MCC: variants seen among roughly 807,000 people sequenced by gnomAD.
MCC encodes MCC regulator of Wnt signaling pathway.
A neutral mutation model predicts 116.2 loss-of-function variants in MCC; 90 were observed. The ratio of observed to expected loss-of-function variants is 0.77; its 90% CI spans 0.65 to 0.92. MCC has a LOEUF of 0.92. Ranked by LOEUF, MCC falls within the 40% of genes least tolerant of loss-of-function variation. MCC has a pLI of 0.00. For missense variants in MCC, 1,516 were observed against 1,312.2 expected (o/e 1.16, Z -2.40); for synonymous variants, 578 against 510.5 (o/e 1.13, Z -1.78).
intron 1 of MCC, among the ~76,000 whole-genome samples, chr5:113,484,583 G>T (rs548042922): frequency 5.3e-5 from 8 of 152,274 alleles, no homozygotes; most frequent in African/African-American, 1.9e-4. Flanking sequence ...CACTTTGAAA[G>T]AAAGCAATCA....
chr5:113,263,961 T>C (rs975659754), intron 3 of MCC, among the ~76,000 whole-genome samples: 4 of 151,694 alleles, frequency 2.6e-5, no homozygotes, highest in South Asian at 4.2e-4. Context: ...CGTGGTCAGA[T>C]TGGAAACCAA....
chr5:113,090,200 A>C (rs1434716594), intron 8 of MCC, among the ~76,000 whole-genome samples: 2 of 152,028 alleles, frequency 1.3e-5, no homozygotes, highest in East Asian at 3.9e-4. Flanking sequence ...CGGGGAGAAA[A>C]GGAAAGGAGG....
intron 3 of MCC, among the ~76,000 whole-genome samples, chr5:113,313,109 G>C (rs978907452): frequency 6.6e-5 from 10 of 152,142 alleles, no homozygotes; most frequent in Non-Finnish European, 1.5e-4. Flanking sequence ...CACTTTGGGA[G>C]GCCGAGGCAG....
At chr5:113,229,688 G>T (rs1363067021) in intron 3 of MCC, among the ~76,000 whole-genome samples, 1 of 152,178 alleles carries the variant, frequency 6.6e-6, no homozygotes, top group African/African-American at 2.4e-5. Flanking sequence ...GGTCCTGTAA[G>T]ATTGTAATAC....
intron 4 of MCC, among the ~76,000 whole-genome samples, chr5:113,147,532 C>T (rs1759593930): frequency 6.6e-6 from 1 of 152,156 alleles, no homozygotes; most frequent in Admixed American, 6.5e-5. Context: ...AATTTGTTAA[C>T]CCTCTCAACC....
At chr5:113,070,463 T>C (rs941518010) in intron 12 of MCC, among the ~76,000 whole-genome samples, 2 of 152,046 alleles carry the variant, frequency 1.3e-5, no homozygotes, top group Non-Finnish European at 2.9e-5. Flanking sequence ...GTTATTTAAA[T>C]TGACTTGTTT....
intron 3 of MCC, among the ~76,000 whole-genome samples, chr5:113,249,363 G>C (rs1432201694): frequency 1.3e-5 from 2 of 152,206 alleles, no homozygotes. Context: ...AGGACAGTGA[G>C]ACTTACCAAC....
intron 1 of MCC, among the ~76,000 whole-genome samples, chr5:113,429,902 C>A (rs951930312): frequency 1.3e-5 from 2 of 152,148 alleles, no homozygotes; most frequent in Non-Finnish European, 2.9e-5. Flanking sequence ...TGAGATAATC[C>A]TGTGGGTGGG....
intron 1 of MCC, among the ~76,000 whole-genome samples, chr5:113,413,944 T>C (rs994608021): frequency 3.9e-5 from 6 of 152,240 alleles, no homozygotes; most frequent in African/African-American, 1.4e-4. Flanking sequence ...CTGCTTTAAA[T>C]GTGTCCCAGA....
At chr5:113,079,696 G>A (rs149649358) in intron 11 of MCC, among the ~76,000 whole-genome samples, 8,191 of 151,988 alleles carry the variant, frequency 0.054, 279 homozygotes, top group East Asian at 0.11. Context: ...ACCTAAAACC[G>A]TAAAACCTCT....
chr5:113,209,159 G>T (rs1034900417), intron 3 of MCC, among the ~76,000 whole-genome samples: 1 of 152,132 alleles, frequency 6.6e-6, no homozygotes, highest in Non-Finnish European at 1.5e-5. Context: ...CTCCCGAGAG[G>T]CTCTTACATT....
chr5:113,275,045 G>A (rs1056382741), intron 3 of MCC, among the ~76,000 whole-genome samples: 4 of 152,116 alleles, frequency 2.6e-5, no homozygotes, highest in African/African-American at 9.7e-5. Context: ...CACAGCTTGT[G>A]GCCTTCCCTT....
intron 3 of MCC, among the ~76,000 whole-genome samples, chr5:113,215,705 C>T (rs1009790032): frequency 2.6e-5 from 4 of 152,118 alleles, no homozygotes; most frequent in South Asian, 2.1e-4. Flanking sequence ...ATAAGCCTGC[C>T]GGCGCAATGA....
At chr5:113,189,469 C>G (rs1762051028) in intron 3 of MCC, among the ~76,000 whole-genome samples, 1 of 152,188 alleles carries the variant, frequency 6.6e-6, no homozygotes, top group Non-Finnish European at 1.5e-5. Flanking sequence ...GCCCATTTTA[C>G]AGGTAGCAAA....
At chr5:113,376,152 G>T (rs559620904) in intron 2 of MCC, among the ~76,000 whole-genome samples, 1 of 152,122 alleles carries the variant, frequency 6.6e-6, no homozygotes, top group Non-Finnish European at 1.5e-5. Context: ...CTCTTTAAAA[G>T]TTGCTCAGAT....
rs1264606519 is a variant in MCC, at chr5:113,419,778, A to G, written c.171-34566T>C. Among the ~76,000 whole-genome samples the G allele has an allele frequency of 2.7e-5, 4 of 148,638 alleles. No individual in the cohort carries two copies. The East Asian group carries it at 8.0e-4, about 30-fold the overall frequency. On this transcript the variant is annotated intron_variant, in intron 1 of 18. Coordinates refer to ENST00000408903, the MANE Select transcript of MCC (RefSeq NM_001085377.2). ...CAGCAAACTATCTCAGGGACAAAAA[A>G]CCAAACACCGCATGTTCTCACTCAT...
At chr5:113,197,015 C>T (rs1014735851) in intron 3 of MCC, among the ~76,000 whole-genome samples, 4 of 152,110 alleles carry the variant, frequency 2.6e-5, no homozygotes, top group Non-Finnish European at 4.4e-5. Context: ...GAGCTTAAAA[C>T]CTGGTTCTGG....
intron 3 of MCC, among the ~76,000 whole-genome samples, chr5:113,164,739 C>T (rs1363130311): frequency 6.6e-6 from 1 of 152,218 alleles, no homozygotes; most frequent in Non-Finnish European, 1.5e-5. Flanking sequence ...CAGGGTCACA[C>T]ATTTTGAGAT....
chr5:113,236,796 C>A (rs936872660), intron 3 of MCC, among the ~76,000 whole-genome samples: 2 of 152,068 alleles, frequency 1.3e-5, no homozygotes, highest in African/African-American at 4.8e-5. Context: ...TCAAACTGAT[C>A]GGATGTTTGT....
Sources: gnomAD v4.1 joint callset for allele counts (sites outside exome capture counted in the v4.1 genomes callset) on GRCh38, gnomAD v4.1.1 for gene constraint, MANE v1.5 for transcripts, NCBI Gene and HGNC (gene_info 2026-07-23, HGNC 2026-07-21) for gene names.